The following SCN9A variants were observed in gnomAD, a reference collection of about 807,000 sequenced individuals.
The protein encoded by SCN9A is sodium channel protein type 9 subunit alpha.
A neutral mutation model predicts 187.0 loss-of-function variants in SCN9A; 131 were observed. The observed-to-expected ratio is 0.70, with a 90% CI of 0.61 to 0.81. SCN9A has a LOEUF of 0.81. SCN9A is among the 30% of genes least tolerant of loss of function. SCN9A has a pLI of 0.00. For missense variants in SCN9A, 2,252 were observed against 2,396.6 expected (o/e 0.94, Z 1.26); for synonymous variants, 809 against 808.6 (o/e 1.00, Z -0.01).
At chr2:166,333,008 A>G (rs1307964910) in intron 1 of SCN9A, among the ~76,000 whole-genome samples, 1 of 151,358 alleles carries the variant, frequency 6.6e-6, no homozygotes, top group African/African-American at 2.4e-5. Flanking sequence ...TGGCAAATCC[A>G]AGAATATATT....
At chr2:166,217,703 T>C (rs1170919967) in intron 24 of SCN9A, among the ~76,000 whole-genome samples, 1 of 151,996 alleles carries the variant, frequency 6.6e-6, no homozygotes, top group Non-Finnish European at 1.5e-5. Flanking sequence ...ATCAAAAAGA[T>C]GAATGATAAC....
intron 2 of SCN9A, among the ~76,000 whole-genome samples, chr2:166,307,945 T>G (rs1183570055): frequency 1.3e-5 from 2 of 152,284 alleles, no homozygotes; most frequent in Non-Finnish European, 2.9e-5. Context: ...CTTTCTAAAT[T>G]TTATATAGGG....
In SCN9A at chr2:166,195,677, G is replaced by C. The variant is rs1304951993; in HGVS notation, c.*2995C>G. 6.6e-6 allele frequency: 1 copy of C among 152,124 alleles called. No homozygotes were observed. The highest frequency in any genetic ancestry group is 1.5e-5 in the Non-Finnish European group (1 of 68,016). 9.4% of individuals were successfully genotyped at this position (152,124 alleles called of 1,614,324 possible). Reference sequence around the variant, plus strand: ...ATCAGCATTTAAAAACAGCTCACAAGTCACCCAAATCTTTTGCAAACTAGG... The same window carrying C: ...ATCAGCATTTAAAAACAGCTCACAACTCACCCAAATCTTTTGCAAACTAGG... On this transcript the variant is annotated 3_prime_UTR_variant, in exon 27 of 27. Transcript: ENST00000642356.
intron 1 of SCN9A, among the ~76,000 whole-genome samples, chr2:166,349,965 T>C (rs973016033): frequency 6.7e-6 from 1 of 148,580 alleles, no homozygotes; most frequent in Non-Finnish European, 1.5e-5. Context: ...AGAGTGAAAC[T>C]CCCTCTCACA....
intron 11 of SCN9A, among the ~76,000 whole-genome samples, chr2:166,286,022 T>C (rs146970342): frequency 1.4e-3 from 214 of 152,248 alleles, no homozygotes; most frequent in African/African-American, 5.1e-3. Context: ...TAAATACAAA[T>C]ATAAAAGTTA....
intron 1 of SCN9A, among the ~76,000 whole-genome samples, chr2:166,359,028 T>C (rs1414399322): frequency 6.6e-6 from 1 of 152,214 alleles, no homozygotes; most frequent in Non-Finnish European, 1.5e-5. Flanking sequence ...TCTTTCAACC[T>C]ATTTAAGATG....
chr2:166,324,498 G>T (rs1399536579), intron 1 of SCN9A, among the ~76,000 whole-genome samples: 2 of 151,992 alleles, frequency 1.3e-5, no homozygotes, highest in African/African-American at 2.4e-5. Flanking sequence ...AACACATAGT[G>T]ATTTTTTCCT....
chr2:166,284,177 C>A (rs190615479), intron 12 of SCN9A, among the ~76,000 whole-genome samples: 1 of 151,896 alleles, frequency 6.6e-6, no homozygotes, highest in South Asian at 2.1e-4. Flanking sequence ...TATATGTATC[C>A]GTCATAAATT....
At chr2:166,316,443 C>G (rs950825977) in intron 1 of SCN9A, among the ~76,000 whole-genome samples, 1 of 152,058 alleles carries the variant, frequency 6.6e-6, no homozygotes, top group Non-Finnish European at 1.5e-5. Flanking sequence ...GCCTATAATC[C>G]CAGAACTTTG....
chr2:166,361,473 C>A (rs1367405237), intron 1 of SCN9A, among the ~76,000 whole-genome samples: 2 of 152,190 alleles, frequency 1.3e-5, no homozygotes, highest in East Asian at 1.9e-4. Context: ...TTTAGTCCTG[C>A]CAATACAAAG....
chr2:166,204,480 A>AT lies in SCN9A; in HGVS notation c.4399-17_4399-16insA, dbSNP rs569037217. 3.3e-4 allele frequency: 498 copies of AT among 1,505,742 alleles called. 5 individuals are homozygous for AT. The East Asian group carries it at 8.5e-3, about 26-fold the overall frequency. The allele number at this position is 1,505,742 out of a possible 1,614,324, so 93.3% of individuals were successfully genotyped here. A position where few individuals can be genotyped will look rare whatever the true frequency, so the allele number is the denominator to read the frequency against. On this transcript the variant is annotated splice_polypyrimidine_tract_variant and intron_variant, in intron 24 of 26. Transcript: ENST00000642356. ...GACCTCCAAGGTAAAGAAACAAACAAAAAATAAATGTAGTTAAAACCAGAA... is the reference window on the plus strand; with the variant it reads ...GACCTCCAAGGTAAAGAAACAAACAATAAAATAAATGTAGTTAAAACCAGAA...
intron 26 of SCN9A, among the ~76,000 whole-genome samples, chr2:166,203,256 T>G (rs746161952): frequency 1.3e-5 from 2 of 151,892 alleles, no homozygotes; most frequent in Non-Finnish European, 3.0e-5. Context: ...GTAATCTCTA[T>G]AATCTCTCTC....
chr2:166,262,441 A>G (rs1696548389), intron 17 of SCN9A, among the ~76,000 whole-genome samples: 1 of 151,964 alleles, frequency 6.6e-6, no homozygotes, highest in Non-Finnish European at 1.5e-5. Flanking sequence ...AAAATCACAC[A>G]TTATTACCAA....
At chr2:166,214,852 C>A (rs1175519066) in intron 24 of SCN9A, among the ~76,000 whole-genome samples, 1 of 151,674 alleles carries the variant, frequency 6.6e-6, no homozygotes, top group Non-Finnish European at 1.5e-5. Context: ...GTCTCTACCA[C>A]CAAGAACAGG....
rs769660085 is a variant in SCN9A, at chr2:166,199,797, A to T, written c.4842T>A (p.Leu1614=). 6.2e-7 allele frequency: 1 copy of T among 1,614,006 alleles called. No individual in the cohort carries two copies. The highest frequency in any genetic ancestry group is 8.5e-7 in the Non-Finnish European group (1 of 1,179,998). ...VSPTLFRVIR[L]ARIGRILRLV... ...GACGTAGGATTCGGCCAATCCTGGC[A>T]AGACGGATCACTCGGAACAGGGTAG... is the stretch of plus-strand genomic sequence containing the variant. The change falls in exon 27 of 27, where the codon CTT becomes CTA. Residue 1614 remains leucine (L), a synonymous_variant. Transcript: ENST00000642356.
chr2:166,199,283 A>G lies in SCN9A; in HGVS notation c.5356T>C (p.Trp1786Arg). ...GTCGCATCGGGATCAAACTTCTCCC[A>G]AACCTCATAGAACATCTCAAAGTCA... Reference protein sequence around the residue: ...EDDFEMFYEVWEKFDPDATQF... With the variant: ...EDDFEMFYEVREKFDPDATQF... Residue 1786 changes from tryptophan to arginine, a missense_variant, in exon 27 of 27, where the codon TGG (tryptophan) becomes CGG (arginine). Physicochemically the swap from Trp to Arg is moderately radical, Grantham distance 101. This residue lies in a region of SCN9A where 345 missense variants were observed against 344.6 expected (regional missense o/e 1.00). Transcript: ENST00000642356. 6.2e-7 allele frequency: 1 copy of G among 1,614,174 alleles called. No individual in the cohort carries two copies. Among genetic ancestry groups the G allele is most frequent in the Non-Finnish European group, 8.5e-7 (1 of 1,180,038 alleles).
chr2:166,306,701 C>A, intron 3 of SCN9A, 102 bp from the exon 4 acceptor site: 3 of 822,188 alleles, frequency 3.6e-6, no homozygotes, highest in Non-Finnish European at 6.2e-6. Flanking sequence ...GAAAAAAATT[C>A]TAAATGAGCT....
At position 166,306,818 on chromosome 2, in the gene SCN9A, T is replaced by C. The variant is rs143733438; in HGVS notation, c.377+138A>G. On this transcript the variant is annotated intron_variant, in intron 3 of 26. Coordinates refer to ENST00000642356, the MANE Select transcript of SCN9A (RefSeq NM_001365536.1). ...AGTCTTCTCTGAGACCCATGACAAA[T>C]TATATTAATAATACTGAAATTAATA... is the stretch of plus-strand genomic sequence containing the variant. 1,133 of 641,844 alleles carry C rather than the reference T, an allele frequency of 1.8e-3. 4 individuals are homozygous for C. Among genetic ancestry groups the C allele is most frequent in the Non-Finnish European group, 2.6e-3 (953 of 363,278 alleles). 39.8% of individuals were successfully genotyped at this position (641,844 alleles called of 1,614,324 possible).
chr2:166,369,557 G>T (rs372203675), intron 1 of SCN9A, among the ~76,000 whole-genome samples: 55 of 152,236 alleles, frequency 3.6e-4, no homozygotes, highest in African/African-American at 1.3e-3. Flanking sequence ...TGTAAATGGG[G>T]TAACAAGAAT....
Sources: allele counts gnomAD v4.1 joint callset (sites outside exome capture counted in the v4.1 genomes callset), GRCh38; gene constraint gnomAD v4.1.1; regional missense constraint gnomAD v4.1.1; transcripts MANE v1.5; gene names NCBI Gene and HGNC (gene_info 2026-07-23, HGNC 2026-07-21).